Variants in NUP210 observed in about 807,000 individuals in gnomAD.
NUP210 encodes nuclear pore membrane glycoprotein 210.
NUP210 carries 151 observed loss-of-function variants against 196.0 expected under a neutral mutation model. The observed-to-expected ratio is 0.77, with a 90% CI of 0.67 to 0.88. NUP210 has a LOEUF of 0.88. NUP210 is among the 40% of genes least tolerant of loss of function. The pLI, the probability that NUP210 is intolerant of heterozygous loss-of-function variation, is 0.00. For synonymous variants in NUP210, 1,070 were observed against 1,052.7 expected, an observed-to-expected ratio of 1.02 and a Z score of -0.32; for missense variants, 2,314 against 2,493.7, an observed-to-expected ratio of 0.93 and a Z score of 1.53.
At chr3:13,320,261 T>C (rs1413027654) in intron 36 of NUP210, among the ~76,000 whole-genome samples, 2 of 152,160 alleles carry the variant, frequency 1.3e-5, no homozygotes, top group Non-Finnish European at 2.9e-5. Context: ...CAGGGTGTTT[T>C]TTGAGGGAAG....
At chr3:13,362,295 G>A (rs937928580) in intron 14 of NUP210, among the ~76,000 whole-genome samples, 2 of 152,184 alleles carry the variant, frequency 1.3e-5, no homozygotes, top group African/African-American at 2.4e-5. Flanking sequence ...AATCCCAGCC[G>A]TGAAGCTTCT....
Position 13,347,387 on chromosome 3 carries a change from A to G in NUP210, c.2836-4084T>C, listed in dbSNP as rs1697782874. The G allele has an allele frequency of 2.1e-6, 2 of 949,660 alleles. No individual in the cohort carries two copies. The highest frequency in any genetic ancestry group is 4.9e-5 in the South Asian group (1 of 20,582). 58.8% of individuals were successfully genotyped at this position (949,660 alleles called of 1,614,324 possible). A position where few individuals can be genotyped will look rare whatever the true frequency, so the allele number is the denominator to read the frequency against. ...TAGAGGACTTGATTGAAATGTAAAG[A>G]ATCGTTGAAAAGAAGGAAAACTTAG... is the stretch of plus-strand genomic sequence containing the variant. On this transcript the variant is annotated intron_variant, in intron 20 of 39. Coordinates refer to ENST00000254508, the MANE Select transcript of NUP210 (RefSeq NM_024923.4). This position sits in a 1 kb window ranked among gnomAD's most constrained non-coding sequence, Gnocchi z 4.7.
In NUP210 at chr3:13,340,005, T is replaced by C; in HGVS notation, c.3320A>G (p.Gln1107Arg). The C allele has an allele frequency of 6.2e-7, 1 of 1,613,990 alleles. No homozygotes were observed. Among genetic ancestry groups the C allele is most frequent in the Non-Finnish European group, 8.5e-7 (1 of 1,180,024 alleles). ...QVTSEGGPQPQSNILFSISNE... is the reference protein window; with the variant it reads ...QVTSEGGPQPRSNILFSISNE... ...GCTGATGGAGAAAAGGATGTTGGAC[T>C]GAGGCTGGGGGCCGCCCTCGGAGGT... Residue 1107 changes from glutamine to arginine, a missense_variant, in exon 25 of 40, where the codon CAG becomes CGG. By Grantham distance (43) the Gln-to-Arg change is conservative (BLOSUM62 1). Transcript: ENST00000254508. The surrounding 1 kb of genome is among the most constrained non-coding windows in gnomAD (Gnocchi z 4.0).
At chr3:13,335,317 G>T in intron 28 of NUP210, 137 bp downstream of exon 28, 1 of 1,019,356 alleles carries the variant, frequency 9.8e-7, no homozygotes, top group Non-Finnish European at 1.5e-6. Context: ...CACTGCGATG[G>T]ACCACTGTCA....
At chr3:13,397,580 C>T in intron 2 of NUP210, 92 bp from the exon 3 acceptor site, 7 of 1,346,632 alleles carry the variant, frequency 5.2e-6, no homozygotes, top group Non-Finnish European at 5.9e-6. Context: ...CTGGCAAAGA[C>T]CACGGCAACC....
At position 13,379,326 on chromosome 3, in the gene NUP210, C is replaced by T. The variant is rs776120364; in HGVS notation, c.976+237G>A. Reference sequence around the variant, plus strand: ...CAGGTACTGGAGAAGTTTCTGGAGACGAGGAACGACACTCAGCTCCTGCCA... The same window carrying T: ...CAGGTACTGGAGAAGTTTCTGGAGATGAGGAACGACACTCAGCTCCTGCCA... On this transcript the variant is annotated intron_variant, in intron 7 of 39. Transcript: ENST00000254508. The surrounding 1 kb of genome is among the most constrained non-coding windows in gnomAD (Gnocchi z 4.2). Among the ~76,000 whole-genome samples the T allele has an allele frequency of 1.6e-4, 25 of 152,124 alleles. No individual in the cohort carries two copies. Among genetic ancestry groups the T allele is most frequent in the Admixed American group, 1.4e-3 (22 of 15,276 alleles).
chr3:13,390,661 G>A (rs1292208177), intron 4 of NUP210, among the ~76,000 whole-genome samples: 1 of 152,196 alleles, frequency 6.6e-6, no homozygotes, highest in Non-Finnish European at 1.5e-5. Context: ...CAAGCGGCTC[G>A]GCCTCTCCAA....
intron 20 of NUP210, among the ~76,000 whole-genome samples, chr3:13,349,427 G>A (rs1040440279): frequency 6.6e-6 from 1 of 152,222 alleles, no homozygotes; most frequent in Non-Finnish European, 1.5e-5. Flanking sequence ...GAACCCATTC[G>A]TGGGATGGAG....
chr3:13,413,282 A>G (rs1279562034), intron 1 of NUP210, among the ~76,000 whole-genome samples: 1 of 151,894 alleles, frequency 6.6e-6, no homozygotes, highest in Non-Finnish European at 1.5e-5. Flanking sequence ...CCTGGCTAAC[A>G]TGGTGAAACC....
At chr3:13,407,691 A>G (rs7646019) in intron 1 of NUP210, among the ~76,000 whole-genome samples, 33,650 of 151,726 alleles carry the variant, frequency 0.22, 5,857 homozygotes, top group African/African-American at 0.49. Context: ...CACCAAACAC[A>G]GCAACTCTTC....
intron 26 of NUP210, 115 bp from the exon 27 acceptor site, chr3:13,337,033 GA>G: frequency 7.7e-7 from 1 of 1,305,922 alleles, no homozygotes; most frequent in Non-Finnish European, 1.1e-6. Context: ...TCCCCAACTA[GA>G]GAAGAGCATG....
chr3:13,378,286 G>A (rs1698986941), intron 8 of NUP210, among the ~76,000 whole-genome samples: 4 of 152,206 alleles, frequency 2.6e-5, no homozygotes. Context: ...TCTACACTCT[G>A]AAGCCTGTCA....
In NUP210 at chr3:13,381,267, G is replaced by A. The variant is rs750047702; in HGVS notation, c.818-1546C>T. ...TTGTTTACTTTAAAGTTTTCTAAAT[G>A]AGTAAGGCCCTTTTGGGAAATGAAC... is the stretch of plus-strand genomic sequence containing the variant. On this transcript the variant is annotated intron_variant, in intron 6 of 39. Transcript: ENST00000254508. 3.9e-4 allele frequency among the ~76,000 whole-genome samples: 60 copies of A among 152,166 alleles called. 1 individual carries two copies. The highest frequency in any genetic ancestry group is 8.2e-4 in the Non-Finnish European group (56 of 68,030).
chr3:13,366,698 T>C (rs557163020), intron 13 of NUP210, among the ~76,000 whole-genome samples: 38 of 151,360 alleles, frequency 2.5e-4, no homozygotes, highest in African/African-American at 8.9e-4. Flanking sequence ...TTTGTATTTT[T>C]AGTAGAGATG....
intron 29 of NUP210, among the ~76,000 whole-genome samples, 153 bp from the exon 30 acceptor site, chr3:13,330,787 C>T (rs182701141): frequency 1.6e-4 from 25 of 152,260 alleles, no homozygotes; most frequent in Admixed American, 5.2e-4. Context: ...GACCACGTGC[C>T]GTCAGTTGTC....
At chr3:13,385,367 T>A (rs1351724751) in intron 6 of NUP210, among the ~76,000 whole-genome samples, 1 of 152,246 alleles carries the variant, frequency 6.6e-6, no homozygotes, top group Non-Finnish European at 1.5e-5. Context: ...CTTATGCCCA[T>A]GACCCTTCAG....
intron 18 of NUP210, 53 bp from the exon 19 acceptor site, chr3:13,352,237 C>G: frequency 1.4e-6 from 2 of 1,400,618 alleles, no homozygotes; most frequent in Non-Finnish European, 2.0e-6. Context: ...TTAGGCTGCC[C>G]CTCGGGAAGA....
rs1279990301 is a variant in NUP210, at chr3:13,322,380, T to C, written c.4769-41A>G. 6 of 1,606,760 alleles carry C rather than the reference T, an allele frequency of 3.7e-6. No homozygotes were observed. In the South Asian group the frequency reaches 4.4e-5, roughly 12 times the overall value. ...ACGAGAGGGTGTGGGCCAGGCCCGATGGCCACCACACCAAATTCCACCAGG... is the reference window on the plus strand; with the variant it reads ...ACGAGAGGGTGTGGGCCAGGCCCGACGGCCACCACACCAAATTCCACCAGG... On this transcript the variant is annotated intron_variant, in intron 34 of 39. Transcript: ENST00000254508.
chr3:13,392,959 G>A (rs558652087), intron 3 of NUP210, among the ~76,000 whole-genome samples: 7 of 152,154 alleles, frequency 4.6e-5, no homozygotes, highest in Non-Finnish European at 8.8e-5. Flanking sequence ...GCTTTACAGT[G>A]TGCTCAGTGA....
Sources: gnomAD v4.1 joint callset for allele counts (sites outside exome capture counted in the v4.1 genomes callset) on GRCh38, gnomAD v4.1.1 for gene constraint, Gnocchi (gnomAD v3.1) non-coding constraint, MANE v1.5 for transcripts, NCBI Gene and HGNC (gene_info 2026-07-23, HGNC 2026-07-21) for gene names.